ARHGAP10: variants seen among roughly 807,000 people sequenced by gnomAD.
ARHGAP10 encodes rho GTPase-activating protein 10.
A neutral mutation model predicts 108.6 loss-of-function variants in ARHGAP10; 87 were observed. The observed-to-expected ratio is 0.80, with a 90% CI of 0.67 to 0.96. ARHGAP10 has a LOEUF of 0.96. Among genes scored for constraint, ARHGAP10 ranks in the 40% least tolerant of loss-of-function variants. The pLI is 0.00. For missense variants in ARHGAP10, 939 were observed against 954.5 expected (o/e 0.98, Z 0.21); for synonymous variants, 347 against 341.1 (o/e 1.02, Z -0.19).
chr4:148,049,033 A>C (rs1286002979), intron 20 of ARHGAP10, among the ~76,000 whole-genome samples: 1 of 151,694 alleles, frequency 6.6e-6, no homozygotes, highest in Non-Finnish European at 1.5e-5. Context: ...CCATGGATGG[A>C]ATACATCTAT....
At chr4:147,778,197 TG>T (rs1730382885) in intron 1 of ARHGAP10, among the ~76,000 whole-genome samples, 2 of 152,330 alleles carry the variant, frequency 1.3e-5, no homozygotes, top group East Asian at 3.9e-4. Context: ...ACAGGATTTT[TG>T]CATGTGTGTG....
rs192426634 is a variant in ARHGAP10, at chr4:147,981,950, C to T, written c.1716+15111C>T. Among the ~76,000 whole-genome samples the T allele has an allele frequency of 4.7e-5, 7 of 149,222 alleles. No individual in the cohort carries two copies. The East Asian group carries it at 5.8e-4, about 12-fold the overall frequency. On this transcript the variant is annotated intron_variant, in intron 18 of 22. Coordinates refer to ENST00000336498, the MANE Select transcript of ARHGAP10 (RefSeq NM_024605.4). The stretch of plus-strand genomic sequence containing the variant: ...CATCCCTTTACTTTGAGCCCAGGGG[C>T]GTGATCATATGTGAGATGGGTCTCT...
intron 1 of ARHGAP10, among the ~76,000 whole-genome samples, chr4:147,762,499 C>CTTATTTAT (rs113127539): frequency 0.91 from 134,158 of 147,966 alleles, 61,751 homozygotes; most frequent in Non-Finnish European, 0.98. Flanking sequence ...AAGATAATTG[C>CTTATTTAT]TTATTTATTT....
intron 8 of ARHGAP10, among the ~76,000 whole-genome samples, chr4:147,877,951 T>C: frequency 6.6e-6 from 1 of 152,150 alleles, no homozygotes; most frequent in Non-Finnish European, 1.5e-5. Context: ...TATTTTATTT[T>C]ATTTTTTGAC....
chr4:147,796,703 T>G (rs1413850405), intron 1 of ARHGAP10, among the ~76,000 whole-genome samples: 1 of 152,062 alleles, frequency 6.6e-6, no homozygotes, highest in Non-Finnish European at 1.5e-5. Flanking sequence ...TTTTTTGTAT[T>G]TTTAGTAGAG....
intron 3 of ARHGAP10, among the ~76,000 whole-genome samples, chr4:147,829,480 C>T (rs538089158): frequency 3.9e-5 from 6 of 152,292 alleles, no homozygotes; most frequent in South Asian, 2.1e-4. Context: ...TGAGCCACCG[C>T]GCCCGGCCAG....
chr4:147,874,207 C>T (rs899126629), intron 7 of ARHGAP10, among the ~76,000 whole-genome samples: 12 of 152,162 alleles, frequency 7.9e-5, no homozygotes, highest in African/African-American at 2.7e-4. Flanking sequence ...TTTTCTGTCT[C>T]AGTTCCTCCA....
intron 10 of ARHGAP10, among the ~76,000 whole-genome samples, chr4:147,901,015 C>T (rs991797232): frequency 1.3e-5 from 2 of 152,084 alleles, no homozygotes; most frequent in Non-Finnish European, 2.9e-5. Context: ...ACCATATTTC[C>T]TTTACATCCA....
In ARHGAP10 at chr4:147,784,397, TATA is replaced by T. The variant is rs1021112790; in HGVS notation, c.155-38329_155-38327del. Among the ~76,000 whole-genome samples, 337 of 126,886 alleles carry T rather than the reference TATA, an allele frequency of 2.7e-3. 1 individual carries two copies. Among genetic ancestry groups the T allele is most frequent in the Non-Finnish European group, 4.2e-3 (266 of 63,974 alleles). The allele number at this position is 126,886 out of a possible 152,430, so 83.2% of individuals were successfully genotyped here. ...ATTAAATTATATATAATTTATAAAT[TATA>T]TAATATAAAGTTATATATAATTTTT... On this transcript the variant is annotated intron_variant, in intron 1 of 22. Transcript: ENST00000336498.
intron 1 of ARHGAP10, among the ~76,000 whole-genome samples, chr4:147,733,709 G>A (rs1379274780): frequency 6.6e-6 from 1 of 152,194 alleles, no homozygotes; most frequent in Non-Finnish European, 1.5e-5. Context: ...CAGTAAATAT[G>A]CATTTAATGA....
chr4:147,908,473 G>A (rs1736592919), intron 11 of ARHGAP10, among the ~76,000 whole-genome samples: 1 of 152,150 alleles, frequency 6.6e-6, no homozygotes, highest in Non-Finnish European at 1.5e-5. Context: ...CAAGTGATTA[G>A]TTCAGAGATA....
intron 13 of ARHGAP10, among the ~76,000 whole-genome samples, chr4:147,928,628 C>T (rs1194415756): frequency 5.3e-5 from 8 of 152,116 alleles, no homozygotes; most frequent in East Asian, 1.9e-4. Flanking sequence ...AATTATCATC[C>T]GGGGAAGAAC....
intron 12 of ARHGAP10, 59 bp downstream of exon 12, chr4:147,909,836 C>T: frequency 6.6e-7 from 1 of 1,510,108 alleles, no homozygotes; most frequent in Non-Finnish European, 9.2e-7. Flanking sequence ...ACTTTGTGTA[C>T]ATTATGCATG....
intron 1 of ARHGAP10, among the ~76,000 whole-genome samples, chr4:147,739,451 G>A (rs1225155575): frequency 6.6e-6 from 1 of 152,150 alleles, no homozygotes; most frequent in Admixed American, 6.5e-5. Flanking sequence ...ATAAGTGACT[G>A]CAGCCTTCAA....
intron 7 of ARHGAP10, among the ~76,000 whole-genome samples, chr4:147,873,513 AG>A (rs1734923985): frequency 6.6e-6 from 1 of 151,904 alleles, no homozygotes; most frequent in Non-Finnish European, 1.5e-5. Flanking sequence ...GAATAAAGTC[AG>A]GGTGAAATTA....
chr4:147,856,858 A>T (rs1377446963), intron 4 of ARHGAP10, among the ~76,000 whole-genome samples: 1 of 152,144 alleles, frequency 6.6e-6, no homozygotes, highest in Admixed American at 6.5e-5. Flanking sequence ...AGAGTAAAAC[A>T]TACTGATTGA....
chr4:148,071,887 G>T, intron 22 of ARHGAP10, 106 bp from the exon 23 acceptor site: 1 of 853,266 alleles, frequency 1.2e-6, no homozygotes, highest in Non-Finnish European at 1.9e-6. Context: ...CCCAGAAGTG[G>T]CCCCTGTTCT....
intron 10 of ARHGAP10, among the ~76,000 whole-genome samples, chr4:147,895,760 A>G (rs899812917): frequency 1.3e-5 from 2 of 151,490 alleles, no homozygotes; most frequent in African/African-American, 4.8e-5. Context: ...TTGCCTGCCT[A>G]CACTGCCTGA....
intron 19 of ARHGAP10, among the ~76,000 whole-genome samples, chr4:148,037,929 T>C (rs367658666): frequency 1.3e-5 from 2 of 152,098 alleles, no homozygotes; most frequent in African/African-American, 4.8e-5. Flanking sequence ...ATATGCTGGC[T>C]GAAGCTTTTC....
Sources: gnomAD v4.1 joint callset for allele counts (sites outside exome capture counted in the v4.1 genomes callset) on GRCh38, gnomAD v4.1.1 for gene constraint, MANE v1.5 for transcripts, NCBI Gene and HGNC (gene_info 2026-07-23, HGNC 2026-07-21) for gene names.